The following SORCS1 variants were observed in gnomAD, a reference collection of about 807,000 sequenced individuals.
The protein encoded by SORCS1 is sortilin related VPS10 domain containing receptor 1.
Under a neutral mutation model 146.1 loss-of-function variants are expected in SORCS1, and 60 were observed. That is an observed-to-expected ratio of 0.41 (90% CI 0.33 to 0.51). The LOEUF is 0.51. SORCS1 is among the 20% of genes least tolerant of loss of function. SORCS1 has a pLI of 0.21. For missense variants in SORCS1, 1,352 were observed against 1,487.6 expected, an observed-to-expected ratio of 0.91 and a Z score of 1.50; for synonymous variants, 637 against 584.0, an observed-to-expected ratio of 1.09 and a Z score of -1.31.
chr10:107,065,447 CTTT>C (rs1203348261), intron 1 of SORCS1, among the ~76,000 whole-genome samples: 1 of 122,758 alleles, frequency 8.1e-6, no homozygotes, highest in Non-Finnish European at 1.8e-5. Context: ...TTCTTTCTTT[CTTT>C]TCTCTCTTTC....
At chr10:107,162,245 AAAG>A (rs1969768823) in intron 1 of SORCS1, among the ~76,000 whole-genome samples, 1 of 152,222 alleles carries the variant, frequency 6.6e-6, no homozygotes, top group South Asian at 2.1e-4. Context: ...AATTACATTA[AAAG>A]CCAGAAACAT....
chr10:106,716,703 G>T (rs543348327), intron 6 of SORCS1, among the ~76,000 whole-genome samples: 1 of 152,112 alleles, frequency 6.6e-6, no homozygotes, highest in Non-Finnish European at 1.5e-5. Context: ...CTGGGGCTTA[G>T]ACAAACCTTT....
At chr10:107,029,925 C>T (rs1426097913) in intron 1 of SORCS1, among the ~76,000 whole-genome samples, 7 of 152,156 alleles carry the variant, frequency 4.6e-5, no homozygotes, top group Non-Finnish European at 1.0e-4. Flanking sequence ...CAGGAAGGAA[C>T]ATCACAGCAA....
intron 3 of SORCS1, among the ~76,000 whole-genome samples, chr10:106,782,042 C>A (rs934462924): frequency 6.6e-6 from 1 of 152,176 alleles, no homozygotes; most frequent in Non-Finnish European, 1.5e-5. Flanking sequence ...CGAAGCTTAC[C>A]TATGTGCCAT....
At chr10:106,926,860 CACACACAGAGAGAG>C (rs1225231282) in intron 2 of SORCS1, among the ~76,000 whole-genome samples, 9 of 90,282 alleles carry the variant, frequency 1.0e-4, no homozygotes, top group African/African-American at 3.8e-4. Flanking sequence ...CACACACACA[CACACACAGAGAGAG>C]AGAGAGAGAG....
intron 18 of SORCS1, among the ~76,000 whole-genome samples, chr10:106,646,636 C>T (rs991403968): frequency 3.9e-5 from 6 of 152,022 alleles, no homozygotes; most frequent in African/African-American, 1.5e-4. Context: ...GCAGAGGTTG[C>T]GGTTGAGCTG....
chr10:107,013,053 G>A (rs542635056), intron 1 of SORCS1, among the ~76,000 whole-genome samples: 2 of 152,226 alleles, frequency 1.3e-5, no homozygotes, highest in South Asian at 2.1e-4. Context: ...TTAAGGTCGA[G>A]GAAACAGCAT....
rs187237326 is a variant in SORCS1, at chr10:107,146,872, G to T, written c.558+17097C>A. On this transcript the variant is annotated intron_variant, in intron 1 of 25. Transcript: ENST00000263054. ...ATAATGATTGTGACTACTTCCTATT[G>T]TACTGGGAATAGTACAATTCCTTGT... is the stretch of plus-strand genomic sequence containing the variant. Among the ~76,000 whole-genome samples, 266 of 152,138 alleles carry T rather than the reference G, an allele frequency of 1.7e-3. 1 individual carries two copies. The highest frequency in any genetic ancestry group is 5.9e-3 in the African/African-American group (245 of 41,506).
chr10:106,809,174 G>A (rs1413923322), intron 3 of SORCS1, among the ~76,000 whole-genome samples: 1 of 151,562 alleles, frequency 6.6e-6, no homozygotes, highest in Non-Finnish European at 1.5e-5. Context: ...GTGGTTGTGG[G>A]GGGAGGGGCG....
chr10:106,989,680 GTTTT>G (rs761689988), intron 1 of SORCS1, among the ~76,000 whole-genome samples: 1 of 70,372 alleles, frequency 1.4e-5, no homozygotes, highest in Non-Finnish European at 3.2e-5. Flanking sequence ...GTTTTTTTTT[GTTTT>G]TTTTTTTTTT....
chr10:106,918,884 T>A (rs1318803627), intron 2 of SORCS1, among the ~76,000 whole-genome samples: 11 of 152,214 alleles, frequency 7.2e-5, no homozygotes, highest in Non-Finnish European at 1.5e-5. Flanking sequence ...TTGCTCAGGC[T>A]GGAGTACAGT....
Position 106,879,482 on chromosome 10 carries a change from C to G in SORCS1, c.627-49809G>C, listed in dbSNP as rs1207501384. Among the ~76,000 whole-genome samples, 4 of 152,274 alleles carry G rather than the reference C, an allele frequency of 2.6e-5. No individual in the cohort carries two copies. In the East Asian group the frequency reaches 7.7e-4, roughly 29 times the overall value. ...AGGCAGAATTTTCCCTCCTCCTCTCCTAAAGATGTTCTTCCCTAATGAATA... is the reference window on the plus strand; with the variant it reads ...AGGCAGAATTTTCCCTCCTCCTCTCGTAAAGATGTTCTTCCCTAATGAATA... On this transcript the variant is annotated intron_variant, in intron 2 of 25. Transcript: ENST00000263054.
At chr10:106,644,888 G>A (rs1052444780) in intron 18 of SORCS1, among the ~76,000 whole-genome samples, 5 of 152,048 alleles carry the variant, frequency 3.3e-5, no homozygotes, top group African/African-American at 1.2e-4. Context: ...TGTTTAGATT[G>A]TTTCCAGTGA....
At chr10:106,941,901 T>C (rs1036679027) in intron 2 of SORCS1, among the ~76,000 whole-genome samples, 3 of 152,212 alleles carry the variant, frequency 2.0e-5, no homozygotes, top group African/African-American at 7.2e-5. Context: ...AATAGACAGT[T>C]GCCTGGAGAA....
At chr10:107,161,957 C>T (rs1969743675) in intron 1 of SORCS1, among the ~76,000 whole-genome samples, 1 of 152,200 alleles carries the variant, frequency 6.6e-6, no homozygotes, top group African/African-American at 2.4e-5. Flanking sequence ...CATTAGTTAA[C>T]ATGATTTGAG....
At chr10:106,838,894 T>A (rs1409367580) in intron 2 of SORCS1, among the ~76,000 whole-genome samples, 1 of 152,218 alleles carries the variant, frequency 6.6e-6, no homozygotes, top group Non-Finnish European at 1.5e-5. Context: ...ATCAGTGATC[T>A]TTGATGTTTC....
At position 106,723,210 on chromosome 10, in the gene SORCS1, T is replaced by C. The variant is rs185148708; in HGVS notation, c.1024+6840A>G. ...ATGTTTTGGGCTCTAAGTTATCTTTTGGACATAGAACGGAGATTAAATAAG... is the reference window on the plus strand; with the variant it reads ...ATGTTTTGGGCTCTAAGTTATCTTTCGGACATAGAACGGAGATTAAATAAG... On this transcript the variant is annotated intron_variant, in intron 6 of 25. Coordinates refer to ENST00000263054, the MANE Select transcript of SORCS1 (RefSeq NM_052918.5). Among the ~76,000 whole-genome samples the C allele has an allele frequency of 9.9e-5, 15 of 152,280 alleles. No homozygotes were observed. In the East Asian group the frequency reaches 2.5e-3, roughly 25 times the overall value.
intron 24 of SORCS1, among the ~76,000 whole-genome samples, chr10:106,588,034 G>A (rs1437459950): frequency 1.3e-5 from 2 of 152,164 alleles, no homozygotes; most frequent in African/African-American, 4.8e-5. Flanking sequence ...AAATGTAGCT[G>A]TATCATTTTA....
chr10:106,813,422 C>T (rs963897731), intron 3 of SORCS1, among the ~76,000 whole-genome samples: 4 of 151,626 alleles, frequency 2.6e-5, no homozygotes, highest in Admixed American at 1.3e-4. Flanking sequence ...CATGAACCAC[C>T]GCGCCCGGCC....
Sources: gnomAD v4.1 joint callset for allele counts (sites outside exome capture counted in the v4.1 genomes callset) on GRCh38, gnomAD v4.1.1 for gene constraint, MANE v1.5 for transcripts, NCBI Gene and HGNC (gene_info 2026-07-23, HGNC 2026-07-21) for gene names.